Variants in SNX14 observed in about 807,000 individuals in gnomAD.
SNX14 encodes sorting nexin-14.
SNX14 carries 93 observed loss-of-function variants against 133.8 expected under a neutral mutation model. The observed-to-expected ratio is 0.70, with a 90% CI of 0.59 to 0.83. SNX14 has a LOEUF of 0.83. SNX14 is among the 40% of genes least tolerant of loss of function. The pLI, the probability that SNX14 is intolerant of heterozygous loss-of-function variation, is 0.00. For synonymous variants in SNX14, 368 were observed against 365.6 expected, an observed-to-expected ratio of 1.01 and a Z score of -0.07; for missense variants, 945 against 1,094.9, an observed-to-expected ratio of 0.86 and a Z score of 1.93.
In SNX14 at chr6:85,526,235, T is replaced by G; in HGVS notation, c.1998A>C (p.Lys666Asn). 6.3e-7 allele frequency: 1 copy of G among 1,586,026 alleles called. No individual in the cohort carries two copies. The highest frequency in any genetic ancestry group is 8.6e-7 in the Non-Finnish European group (1 of 1,167,634). ...KREEFQEYLQKLLQHPELSNS... is the reference protein window; with the variant it reads ...KREEFQEYLQNLLQHPELSNS... ...TACTCAGTTCTGGATGCTGCAGAAG[T>G]TTCTTGAATGAACAAAAAAAACGGA... Residue 666 changes from lysine (K) to asparagine (N), a missense_variant and splice_region_variant, in exon 21 of 29, where the codon AAA becomes AAC. Transcript: ENST00000314673.
intron 18 of SNX14, among the ~76,000 whole-genome samples, chr6:85,531,461 C>A (rs1404094270): frequency 2.0e-5 from 3 of 152,190 alleles, no homozygotes; most frequent in Non-Finnish European, 4.4e-5. Context: ...ACCAATACCA[C>A]AATCATCCAA....
Position 85,514,065 on chromosome 6 carries a change from C to T in SNX14, c.2557+5G>A, listed in dbSNP as rs1402752064. On this transcript the variant is annotated splice_donor_5th_base_variant and intron_variant, in intron 25 of 28. Transcript: ENST00000314673. Reference sequence around the variant, plus strand: ...TATGAAACAAACACATTAGAAAATACAAACCTCTGAGAAGTGTTATGAGTG... The same window carrying T: ...TATGAAACAAACACATTAGAAAATATAAACCTCTGAGAAGTGTTATGAGTG... The T allele has an allele frequency of 6.3e-7, 1 of 1,598,938 alleles. No individual in the cohort carries two copies.
chr6:85,564,893 G>T (rs529948507), intron 6 of SNX14, among the ~76,000 whole-genome samples: 5 of 151,908 alleles, frequency 3.3e-5, no homozygotes, highest in African/African-American at 1.2e-4. Context: ...AGAGGCTGAG[G>T]CAGGAGAATC....
At chr6:85,532,690 A>G (rs1458205488) in intron 18 of SNX14, among the ~76,000 whole-genome samples, 1 of 152,184 alleles carries the variant, frequency 6.6e-6, no homozygotes, top group Non-Finnish European at 1.5e-5. Flanking sequence ...GAAAAAGTGC[A>G]AAGTGGTGAC....
chr6:85,516,190 C>A (rs1431578533), intron 23 of SNX14, among the ~76,000 whole-genome samples: 1 of 152,092 alleles, frequency 6.6e-6, no homozygotes, highest in African/African-American at 2.4e-5. Flanking sequence ...CAAAACACTC[C>A]TTGAATAGAT....
At chr6:85,508,920 T>C (rs1771766721) in intron 26 of SNX14, among the ~76,000 whole-genome samples, 1 of 152,194 alleles carries the variant, frequency 6.6e-6, no homozygotes. Context: ...CATAAAAAAT[T>C]CTAATGCTAG....
At chr6:85,539,113 T>C (rs987584340) in intron 15 of SNX14, among the ~76,000 whole-genome samples, 3 of 152,196 alleles carry the variant, frequency 2.0e-5, no homozygotes, top group African/African-American at 4.8e-5. Flanking sequence ...AAAAATTAAA[T>C]ATGTTTTCTC....
At chr6:85,508,120 G>T (rs1277408829) in intron 26 of SNX14, 61 bp from the exon 27 acceptor site, 1 of 1,540,768 alleles carries the variant, frequency 6.5e-7, no homozygotes, top group Non-Finnish European at 8.7e-7. Flanking sequence ...CCATTAACTG[G>T]ATCATAAAGC....
At position 85,568,966 on chromosome 6, in the gene SNX14, C is replaced by CT. The variant is rs369775673; in HGVS notation, c.418-1390dup. Among the ~76,000 whole-genome samples, 191 of 147,532 alleles carry CT rather than the reference C, an allele frequency of 1.3e-3. 2 individuals are homozygous for CT. The East Asian group carries it at 0.021, about 16-fold the overall frequency. ...ATATCCTAAGTAGTGCTTTTCTTTT[C>CT]TTTTTTTTTTTTTTTTGAGGCGGAG... On this transcript the variant is annotated intron_variant, in intron 4 of 28. Transcript: ENST00000314673.
rs570944556 is a variant in SNX14, at chr6:85,527,685, G to A, written c.1995+577C>T. On this transcript the variant is annotated intron_variant, in intron 20 of 28. Coordinates refer to ENST00000314673, the MANE Select transcript of SNX14 (RefSeq NM_153816.6). ...GTCTCAAGTAACTTTTATGATGACTGTACCATGTATTTAAATAATACACCC... is the reference window on the plus strand; with the variant it reads ...GTCTCAAGTAACTTTTATGATGACTATACCATGTATTTAAATAATACACCC... Among the ~76,000 whole-genome samples, 4 of 152,014 alleles carry A rather than the reference G, an allele frequency of 2.6e-5. No individual in the cohort carries two copies. The South Asian group carries it at 8.3e-4, about 31-fold the overall frequency.
At chr6:85,508,178 A>G in intron 26 of SNX14, 119 bp from the exon 27 acceptor site, 2 of 1,445,282 alleles carry the variant, frequency 1.4e-6, no homozygotes, top group Non-Finnish European at 9.1e-7. Flanking sequence ...CTGCAAATCA[A>G]TACTCCCCAA....
At chr6:85,561,890 C>G (rs1791764562) in intron 6 of SNX14, among the ~76,000 whole-genome samples, 3 of 150,274 alleles carry the variant, frequency 2.0e-5, no homozygotes, top group African/African-American at 7.4e-5. Context: ...TGTGCAGGCT[C>G]ATTACATGAG....
chr6:85,575,298 A>G (rs1396863739), intron 1 of SNX14, among the ~76,000 whole-genome samples: 1 of 152,212 alleles, frequency 6.6e-6, no homozygotes, highest in Non-Finnish European at 1.5e-5. Context: ...TTCAAATGCC[A>G]ATGACCACAG....
chr6:85,543,371 G>A (rs1452211228), intron 13 of SNX14, 65 bp from the exon 14 acceptor site: 9 of 1,378,412 alleles, frequency 6.5e-6, no homozygotes, highest in Middle Eastern at 5.2e-4. Context: ...GTTCTAAAAC[G>A]TTTTACTGAA....
intron 18 of SNX14, among the ~76,000 whole-genome samples, chr6:85,531,364 A>C (rs543400313): frequency 6.6e-6 from 1 of 152,356 alleles, no homozygotes; most frequent in Non-Finnish European, 1.5e-5. Flanking sequence ...TGCATAGCAC[A>C]GAGTAAATAC....
chr6:85,509,315 G>T (rs946124904), intron 26 of SNX14, among the ~76,000 whole-genome samples: 2 of 151,524 alleles, frequency 1.3e-5, no homozygotes, highest in African/African-American at 4.9e-5. Flanking sequence ...AATGCTAAGG[G>T]TCATTATATC....
intron 19 of SNX14, among the ~76,000 whole-genome samples, chr6:85,528,755 T>C (rs754966356): frequency 2.6e-5 from 4 of 152,140 alleles, no homozygotes; most frequent in Non-Finnish European, 5.9e-5. Context: ...GCTATATAAA[T>C]GGCTTAAAAT....
intron 24 of SNX14, 25 bp downstream of exon 24, chr6:85,514,481 A>C: frequency 1.2e-6 from 2 of 1,603,558 alleles, no homozygotes; most frequent in Non-Finnish European, 1.7e-6. Context: ...AATGAAAAAC[A>C]AGTCTTAAAC....
intron 7 of SNX14, among the ~76,000 whole-genome samples, chr6:85,556,264 A>G (rs1468081953): frequency 1.3e-5 from 2 of 151,956 alleles, no homozygotes; most frequent in Non-Finnish European, 2.9e-5. Flanking sequence ...CAACACAACA[A>G]TTAAGTTATG....
Sources: allele counts gnomAD v4.1 joint callset (sites outside exome capture counted in the v4.1 genomes callset), GRCh38; gene constraint gnomAD v4.1.1; transcripts MANE v1.5; gene names NCBI Gene and HGNC (gene_info 2026-07-23, HGNC 2026-07-21).